Variants in PTPRT observed in about 807,000 individuals in gnomAD.
PTPRT encodes the protein protein tyrosine phosphatase receptor type T, also known as receptor-type tyrosine-protein phosphatase T.
Under a neutral mutation model 176.8 loss-of-function variants are expected in PTPRT, and 56 were observed. The observed-to-expected ratio is 0.32, with a 90% CI of 0.26 to 0.40. The LOEUF (loss-of-function observed/expected upper bound fraction) is 0.40. Among genes scored for constraint, PTPRT ranks in the 10% least tolerant of loss-of-function variants. The pLI is 1.00. For synonymous variants in PTPRT, 783 were observed against 739.0 expected, an observed-to-expected ratio of 1.06 and a Z score of -0.96; for missense variants, 1,540 against 1,908.2, an observed-to-expected ratio of 0.81 and a Z score of 3.60.
intron 1 of PTPRT, among the ~76,000 whole-genome samples, chr20:42,938,162 G>A (rs1238214164): frequency 6.6e-6 from 1 of 152,200 alleles, no homozygotes; most frequent in Admixed American, 6.5e-5. Flanking sequence ...TTAAATGGGT[G>A]TACGAATGGA....
intron 1 of PTPRT, among the ~76,000 whole-genome samples, chr20:43,093,900 G>C (rs1392834916): frequency 6.6e-6 from 1 of 151,884 alleles, no homozygotes; most frequent in Non-Finnish European, 1.5e-5. Flanking sequence ...GTTCTCTGGG[G>C]TTCCCACAAG....
chr20:42,690,477 A>G (rs1176055556), intron 6 of PTPRT, among the ~76,000 whole-genome samples: 1 of 152,198 alleles, frequency 6.6e-6, no homozygotes, highest in Non-Finnish European at 1.5e-5. Flanking sequence ...CTGAAAGGAC[A>G]GGACTTGGTC....
At chr20:43,127,264 A>G (rs1295032536) in intron 1 of PTPRT, among the ~76,000 whole-genome samples, 6 of 151,938 alleles carry the variant, frequency 3.9e-5, no homozygotes, top group Non-Finnish European at 8.8e-5. Flanking sequence ...TCTACTAAAA[A>G]TACAAAAAAT....
intron 16 of PTPRT, among the ~76,000 whole-genome samples, chr20:42,187,535 T>A (rs1400445192): frequency 6.6e-5 from 10 of 152,236 alleles, no homozygotes; most frequent in Admixed American, 6.5e-4. Context: ...CTACCTCACA[T>A]GCAGCTTTTC....
At chr20:42,756,960 A>G (rs1232965619) in intron 5 of PTPRT, among the ~76,000 whole-genome samples, 2 of 150,330 alleles carry the variant, frequency 1.3e-5, no homozygotes, top group African/African-American at 4.9e-5. Context: ...GTGAGGAAGG[A>G]GGATCGCCTG....
chr20:42,827,311 A>G (rs2078011757), intron 2 of PTPRT, among the ~76,000 whole-genome samples: 1 of 152,122 alleles, frequency 6.6e-6, no homozygotes. Flanking sequence ...ACATAAAACA[A>G]TCCTCAGAAA....
intron 27 of PTPRT, among the ~76,000 whole-genome samples, chr20:42,095,559 T>C (rs755510861): frequency 1.3e-5 from 2 of 152,260 alleles, no homozygotes; most frequent in African/African-American, 2.4e-5. Context: ...AGGGCCCACC[T>C]TGACAATCCT....
chr20:42,885,848 T>C lies in PTPRT; in HGVS notation c.173A>G (p.Asn58Ser). ...GTNGFTWEQI[N>S]TWEKPMLDQA... Reference sequence around the variant, plus strand: ...GTCCAGCATTGGTTTCTCCCATGTGTTAATCTGCTCCCAGGTGAACCCATT... The same window carrying C: ...GTCCAGCATTGGTTTCTCCCATGTGCTAATCTGCTCCCAGGTGAACCCATT... Residue 58 changes from asparagine to serine, a missense_variant, in exon 2 of 31, where the codon AAC (asparagine) becomes AGC (serine). By Grantham distance (46) the Asn-to-Ser change is conservative. Transcript: ENST00000373187. 6.2e-7 allele frequency: 1 copy of C among 1,610,506 alleles called. No homozygotes were observed. Among genetic ancestry groups the C allele is most frequent in the Non-Finnish European group, 8.5e-7 (1 of 1,177,624 alleles).
Position 42,503,135 on chromosome 20 carries a change from T to C in PTPRT, c.1154-30573A>G, listed in dbSNP as rs1601143282. 3.9e-5 allele frequency among the ~76,000 whole-genome samples: 6 copies of C among 152,042 alleles called. No homozygotes were observed. In the South Asian group the frequency reaches 1.0e-3, roughly 26 times the overall value. On this transcript the variant is annotated intron_variant, in intron 7 of 30. Coordinates refer to ENST00000373187, the MANE Select transcript of PTPRT (RefSeq NM_007050.6). The stretch of plus-strand genomic sequence containing the variant: ...TGTTTTTTTATGCCTTTTCAAAGAG[T>C]TTTGGCTTTGTTGATACACTCTGTT...
chr20:42,866,766 T>C (rs1240633299), intron 2 of PTPRT, among the ~76,000 whole-genome samples: 1 of 152,202 alleles, frequency 6.6e-6, no homozygotes, highest in Non-Finnish European at 1.5e-5. Flanking sequence ...GGTTTGAGTA[T>C]TTGCCTCTGC....
At chr20:42,480,106 C>A (rs1054043640) in intron 7 of PTPRT, among the ~76,000 whole-genome samples, 2 of 152,180 alleles carry the variant, frequency 1.3e-5, no homozygotes, top group African/African-American at 4.8e-5. Context: ...GAAAACTACT[C>A]ACTGAGCATG....
In PTPRT at chr20:42,636,007, G is replaced by A. The variant is rs536814404; in HGVS notation, c.1153+41859C>T. ...TCTTTGGCTTTTAAGGAAAGTCACC[G>A]AGTTAATGCTGAATATATTTCTAAA... On this transcript the variant is annotated intron_variant, in intron 7 of 30. Transcript: ENST00000373187. Among the ~76,000 whole-genome samples, 12 of 152,240 alleles carry A rather than the reference G, an allele frequency of 7.9e-5. 1 individual carries two copies. Among genetic ancestry groups the A allele is most frequent in the South Asian group, 6.2e-4 (3 of 4,826 alleles).
At chr20:42,187,856 A>G (rs930477419) in intron 16 of PTPRT, among the ~76,000 whole-genome samples, 1 of 152,168 alleles carries the variant, frequency 6.6e-6, no homozygotes, top group African/African-American at 2.4e-5. Context: ...TGGCTTTTCT[A>G]TAGGTCCTCC....
At chr20:42,645,764 ATGTGTG>A (rs59454108) in intron 7 of PTPRT, among the ~76,000 whole-genome samples, 3,235 of 139,562 alleles carry the variant, frequency 0.023, 131 homozygotes, top group African/African-American at 0.076. Context: ...ATGTGTATTT[ATGTGTG>A]TGTGTGTGTG....
At chr20:42,287,184 C>CA (rs1796954678) in intron 12 of PTPRT, among the ~76,000 whole-genome samples, 1 of 151,708 alleles carries the variant, frequency 6.6e-6, no homozygotes, top group Non-Finnish European at 1.5e-5. Context: ...AGAGGTTCCT[C>CA]AAAAAAACTA....
intron 1 of PTPRT, among the ~76,000 whole-genome samples, chr20:43,074,656 A>G (rs1199769258): frequency 3.3e-5 from 5 of 152,210 alleles, no homozygotes; most frequent in African/African-American, 9.7e-5. Context: ...CCACACTCCC[A>G]CAGAACCTTA....
chr20:42,698,135 T>C (rs1600628611), intron 6 of PTPRT, among the ~76,000 whole-genome samples: 2 of 152,262 alleles, frequency 1.3e-5, no homozygotes, highest in South Asian at 2.1e-4. Flanking sequence ...AAATGTAACT[T>C]TGATTGTATG....
chr20:42,107,126 A>T (rs1309225462), intron 23 of PTPRT, among the ~76,000 whole-genome samples: 3 of 152,258 alleles, frequency 2.0e-5, no homozygotes, highest in Non-Finnish European at 4.4e-5. Context: ...GATGGATAAA[A>T]TAATACATCC....
At chr20:42,711,820 T>C (rs986699896) in intron 6 of PTPRT, among the ~76,000 whole-genome samples, 1 of 151,484 alleles carries the variant, frequency 6.6e-6, no homozygotes, top group African/African-American at 2.4e-5. Flanking sequence ...AGTATAGCTT[T>C]AAGCTACTCT....
Sources: allele counts gnomAD v4.1 joint callset (sites outside exome capture counted in the v4.1 genomes callset), GRCh38; gene constraint gnomAD v4.1.1; transcripts MANE v1.5; gene names NCBI Gene and HGNC (gene_info 2026-07-23, HGNC 2026-07-21).